The following PTPRK variants were observed in gnomAD, a reference collection of about 807,000 sequenced individuals.
The protein encoded by PTPRK is protein tyrosine phosphatase receptor type K, also known as receptor-type tyrosine-protein phosphatase kappa.
In PTPRK, 75 loss-of-function variants were observed where a neutral mutation model predicts 178.0. That is an observed-to-expected ratio of 0.42 (90% confidence interval 0.35 to 0.51). The LOEUF is 0.51. Among genes scored for constraint, PTPRK ranks in the 20% least tolerant of loss-of-function variants. The probability of loss-of-function intolerance (pLI) is 0.02; values close to 1 mark genes in which losing one functional copy is unlikely to be tolerated. For missense variants in PTPRK, 1,441 were observed against 1,797.8 expected, an observed-to-expected ratio of 0.80 and a Z score of 3.59; for synonymous variants, 637 against 620.6, an observed-to-expected ratio of 1.03 and a Z score of -0.39.
At chr6:127,994,750 C>T (rs1186102940) in intron 18 of PTPRK, among the ~76,000 whole-genome samples, 1 of 151,532 alleles carries the variant, frequency 6.6e-6, no homozygotes, top group East Asian at 1.9e-4. Flanking sequence ...TTCTGTGATT[C>T]GATATATATG....
intron 10 of PTPRK, among the ~76,000 whole-genome samples, chr6:128,081,369 C>A (rs1458388795): frequency 6.6e-6 from 1 of 151,788 alleles, no homozygotes; most frequent in African/African-American, 2.4e-5. Flanking sequence ...GGAATTATAG[C>A]TCATAATGGA....
intron 2 of PTPRK, among the ~76,000 whole-genome samples, chr6:128,339,976 A>G (rs1831450128): frequency 6.6e-6 from 1 of 152,142 alleles, no homozygotes; most frequent in Non-Finnish European, 1.5e-5. Flanking sequence ...ACTAAAATCC[A>G]AAGGTCAGAA....
intron 10 of PTPRK, among the ~76,000 whole-genome samples, chr6:128,080,516 CATT>C (rs1224871539): frequency 6.6e-6 from 1 of 151,860 alleles, no homozygotes; most frequent in Non-Finnish European, 1.5e-5. Context: ...GGAGCAGTGA[CATT>C]AGAAGATTAA....
At chr6:128,436,688 C>A (rs1357016731) in intron 1 of PTPRK, among the ~76,000 whole-genome samples, 1 of 151,874 alleles carries the variant, frequency 6.6e-6, no homozygotes, top group African/African-American at 2.4e-5. Flanking sequence ...GCACAGAGTA[C>A]CAGGTAACTT....
intron 12 of PTPRK, 103 bp downstream of exon 12, chr6:128,067,410 ATTTTCT>A (rs1781990026): frequency 7.9e-7 from 1 of 1,270,292 alleles, no homozygotes; most frequent in African/African-American, 1.5e-5. Context: ...CTACATGCAA[ATTTTCT>A]TTTTCTTTTT....
chr6:128,156,019 G>A (rs573085171), intron 7 of PTPRK, among the ~76,000 whole-genome samples: 44 of 151,970 alleles, frequency 2.9e-4, no homozygotes, highest in African/African-American at 1.0e-3. Flanking sequence ...TTTAAGAAAC[G>A]TAAGTTCTGT....
intron 3 of PTPRK, among the ~76,000 whole-genome samples, chr6:128,299,799 G>A (rs1447837616): frequency 1.3e-5 from 2 of 152,064 alleles, no homozygotes; most frequent in Admixed American, 6.6e-5. Context: ...TACCATTCAG[G>A]ACATAGGCAT....
chr6:128,125,814 T>C (rs1212832509), intron 7 of PTPRK, among the ~76,000 whole-genome samples: 1 of 151,922 alleles, frequency 6.6e-6, no homozygotes. Context: ...TTCACCATGC[T>C]GGCCAGGCTG....
At chr6:128,026,343 C>T (rs183518920) in intron 13 of PTPRK, among the ~76,000 whole-genome samples, 2 of 152,270 alleles carry the variant, frequency 1.3e-5, no homozygotes, top group Non-Finnish European at 1.5e-5. Context: ...TGGTCTTTCC[C>T]TTACATCAAG....
rs545653280 is a variant in PTPRK at position 128,486,897 on chromosome 6, A to T, written c.100+33362T>A. 4.6e-5 allele frequency among the ~76,000 whole-genome samples: 7 copies of T among 152,070 alleles called. No individual in the cohort carries two copies. The South Asian group carries it at 1.5e-3, about 32-fold the overall frequency. Reference sequence around the variant, plus strand: ...GATTTATGAATATGAACACAGAAAAAATATTTAATTGACATAGATATCACT... The same window carrying T: ...GATTTATGAATATGAACACAGAAAATATATTTAATTGACATAGATATCACT... On this transcript the variant is annotated intron_variant, in intron 1 of 29. Transcript: ENST00000368226.
intron 1 of PTPRK, among the ~76,000 whole-genome samples, chr6:128,454,092 C>T (rs141255827): frequency 2.0e-5 from 3 of 152,234 alleles, no homozygotes; most frequent in African/African-American, 7.2e-5. Context: ...AAGGGCAAAA[C>T]CTTTAGTTTT....
intron 29 of PTPRK, 76 bp from the exon 30 acceptor site, chr6:127,970,356 A>G (rs1016993366): frequency 8.5e-7 from 1 of 1,176,232 alleles, no homozygotes; most frequent in Non-Finnish European, 1.2e-6. Context: ...ACCAAATGAA[A>G]CTTGACAACC....
At chr6:128,009,414 T>G in intron 13 of PTPRK, 146 bp from the exon 14 acceptor site, 4 of 676,622 alleles carry the variant, frequency 5.9e-6, no homozygotes, top group Non-Finnish European at 9.3e-6. Context: ...AGAAGCATGC[T>G]AAAATACAAT....
intron 13 of PTPRK, among the ~76,000 whole-genome samples, chr6:128,020,422 A>C (rs901532852): frequency 3.3e-5 from 5 of 152,200 alleles, no homozygotes; most frequent in Admixed American, 2.0e-4. Context: ...CGTTGGGGGA[A>C]AAAGCTTCAT....
chr6:128,322,582 G>A (rs544716542), intron 2 of PTPRK, among the ~76,000 whole-genome samples: 1 of 151,558 alleles, frequency 6.6e-6, no homozygotes, highest in South Asian at 2.1e-4. Context: ...GGAAATTGAG[G>A]CACAATTAGT....
Position 128,507,033 on chromosome 6 carries a change from C to T in PTPRK, c.100+13226G>A, listed in dbSNP as rs117423430. On this transcript the variant is annotated intron_variant, in intron 1 of 29. Coordinates refer to ENST00000368226, the MANE Select transcript of PTPRK (RefSeq NM_002844.4). Reference sequence around the variant, plus strand: ...TCAAAACCTACATCTGGAATGGGTACTTTCCCATTTTGAATATGTGGAAAC... The same window carrying T: ...TCAAAACCTACATCTGGAATGGGTATTTTCCCATTTTGAATATGTGGAAAC... Among the ~76,000 whole-genome samples, 656 of 152,132 alleles carry T rather than the reference C, an allele frequency of 4.3e-3. 15 individuals carry two copies. Among genetic ancestry groups the T allele is most frequent in the South Asian group, 0.015 (73 of 4,826 alleles).
chr6:127,980,170 C>CG (rs1369119133), intron 25 of PTPRK, among the ~76,000 whole-genome samples: 9 of 152,162 alleles, frequency 5.9e-5, no homozygotes, highest in Non-Finnish European at 7.4e-5. Context: ...ATTAGCCGTG[C>CG]ATGGTGGTGC....
At chr6:128,149,077 T>C (rs1796898335) in intron 7 of PTPRK, among the ~76,000 whole-genome samples, 1 of 148,578 alleles carries the variant, frequency 6.7e-6, no homozygotes, top group South Asian at 2.1e-4. Flanking sequence ...GTCTGCTTGA[T>C]ATAATGGTGT....
intron 1 of PTPRK, among the ~76,000 whole-genome samples, chr6:128,458,439 TA>T (rs1392573194): frequency 2.0e-5 from 3 of 152,178 alleles, no homozygotes; most frequent in Non-Finnish European, 4.4e-5. Flanking sequence ...AACTCTACAC[TA>T]AAAAATTTAA....
Sources: gnomAD v4.1 joint callset for allele counts (sites outside exome capture counted in the v4.1 genomes callset) on GRCh38, gnomAD v4.1.1 for gene constraint, MANE v1.5 for transcripts, NCBI Gene and HGNC (gene_info 2026-07-23, HGNC 2026-07-21) for gene names.